Variants in PALM2AKAP2 observed in about 807,000 individuals in gnomAD.
PALM2AKAP2 encodes PALM2-AKAP2 fusion protein.
A neutral mutation model predicts 71.5 loss-of-function variants in PALM2AKAP2; 37 were observed. The observed-to-expected ratio is 0.52, with a 90% confidence interval of 0.40 to 0.68. PALM2AKAP2 has a LOEUF of 0.68. Ranked by LOEUF, PALM2AKAP2 falls within the 30% of genes least tolerant of loss-of-function variation. The pLI is 0.00. For synonymous variants in PALM2AKAP2, 468 were observed against 478.8 expected (o/e 0.98, Z 0.29); for missense variants, 1,224 against 1,191.8 (o/e 1.03, Z -0.40).
intron 6 of PALM2AKAP2, among the ~76,000 whole-genome samples, chr9:109,972,706 C>T (rs1358125050): frequency 1.5e-4 from 23 of 152,176 alleles, no homozygotes. Flanking sequence ...CAGGGAATGC[C>T]ACAAAGATGC....
intron 1 of PALM2AKAP2, among the ~76,000 whole-genome samples, chr9:110,135,185 A>G (rs1835830637): frequency 8.9e-6 from 1 of 112,844 alleles, no homozygotes; most frequent in African/African-American, 3.3e-5. Context: ...ATATATATAT[A>G]TATAAATCAG....
chr9:109,926,742 G>T (rs1224776603), intron 5 of PALM2AKAP2, among the ~76,000 whole-genome samples: 1 of 151,836 alleles, frequency 6.6e-6, no homozygotes, highest in African/African-American at 2.4e-5. Flanking sequence ...ACATCTCTCT[G>T]ATACTTAGGG....
At chr9:110,087,139 C>T (rs1834592105) in intron 1 of PALM2AKAP2, among the ~76,000 whole-genome samples, 1 of 152,228 alleles carries the variant, frequency 6.6e-6, no homozygotes, top group African/African-American at 2.4e-5. Flanking sequence ...GCTGGTCCTT[C>T]TCTCTAACAT....
chr9:109,733,041 G>A (rs1320817273), intron 1 of PALM2AKAP2, among the ~76,000 whole-genome samples: 7 of 152,110 alleles, frequency 4.6e-5, no homozygotes, highest in African/African-American at 1.7e-4. Context: ...TCAAGTTAGG[G>A]GTTCAGATTA....
chr9:109,694,554 G>C (rs1313512128), intron 1 of PALM2AKAP2, among the ~76,000 whole-genome samples: 1 of 151,944 alleles, frequency 6.6e-6, no homozygotes, highest in Non-Finnish European at 1.5e-5. Context: ...ACACTATTAA[G>C]AGATAGAAAA....
At chr9:109,687,272 T>C (rs144727805) in intron 1 of PALM2AKAP2, among the ~76,000 whole-genome samples, 4 of 152,284 alleles carry the variant, frequency 2.6e-5, no homozygotes, top group Non-Finnish European at 4.4e-5. Context: ...AATGTTGAAG[T>C]CATGCATTGA....
chr9:109,945,706 A>C (rs1004297656), intron 6 of PALM2AKAP2: 12 of 152,230 alleles, frequency 7.9e-5, no homozygotes, highest in Admixed American at 2.6e-4. Flanking sequence ...ACAGTTAGTG[A>C]GTGAAATGGT....
chr9:109,985,479 G>C (rs1348529084), intron 6 of PALM2AKAP2, among the ~76,000 whole-genome samples: 1 of 151,592 alleles, frequency 6.6e-6, no homozygotes, highest in Non-Finnish European at 1.5e-5. Flanking sequence ...AATTAGCCAG[G>C]CGTGGTGGCG....
intron 1 of PALM2AKAP2, among the ~76,000 whole-genome samples, chr9:109,827,660 G>A (rs1045784239): frequency 1.3e-5 from 2 of 152,102 alleles, no homozygotes; most frequent in African/African-American, 4.8e-5. Flanking sequence ...TCTACTGAAT[G>A]AGAATCCATT....
chr9:109,733,811 G>A (rs1340538544), intron 1 of PALM2AKAP2, among the ~76,000 whole-genome samples: 3 of 152,304 alleles, frequency 2.0e-5, no homozygotes, highest in Non-Finnish European at 2.9e-5. Flanking sequence ...GTGCAACAGA[G>A]TTGGGGAAAG....
At chr9:110,040,160 A>G (rs765938998) in intron 7 of PALM2AKAP2, among the ~76,000 whole-genome samples, 1 of 152,220 alleles carries the variant, frequency 6.6e-6, no homozygotes, top group Non-Finnish European at 1.5e-5. Context: ...TGATTGTATT[A>G]TAAGCTATTG....
At chr9:110,010,450 C>T (rs139108480) in intron 6 of PALM2AKAP2, among the ~76,000 whole-genome samples, 1,526 of 146,958 alleles carry the variant, frequency 0.01, 26 homozygotes, top group African/African-American at 0.037. Flanking sequence ...AATATACATA[C>T]TATATATATA....
In PALM2AKAP2 at chr9:109,794,026, A is replaced by G. The variant is rs186828875; in HGVS notation, c.45+13493A>G. 2.6e-5 allele frequency among the ~76,000 whole-genome samples: 4 copies of G among 152,348 alleles called. No homozygotes were observed. The East Asian group carries it at 5.8e-4, about 22-fold the overall frequency. ...CCTGCTTTCTACATGGCGTATTTCAATGGCTGTATTTGCGATGAAGGCTCC... is the reference window on the plus strand; with the variant it reads ...CCTGCTTTCTACATGGCGTATTTCAGTGGCTGTATTTGCGATGAAGGCTCC... On this transcript the variant is annotated intron_variant, in intron 1 of 9. Coordinates refer to the PALM2AKAP2 transcript ENST00000302798.
At chr9:109,699,770 C>T (rs1019281399) in intron 1 of PALM2AKAP2, among the ~76,000 whole-genome samples, 1 of 82,796 alleles carries the variant, frequency 1.2e-5, no homozygotes, top group African/African-American at 6.3e-5. Context: ...CAGCCATTAC[C>T]TTTATTTATT....
intron 1 of PALM2AKAP2, among the ~76,000 whole-genome samples, chr9:110,085,036 G>A (rs994162460): frequency 3.9e-5 from 6 of 152,006 alleles, no homozygotes; most frequent in African/African-American, 9.7e-5. Context: ...CACCGCGCCC[G>A]GCCTAGATGC....
chr9:109,936,668 G>A (rs926528538), intron 6 of PALM2AKAP2, among the ~76,000 whole-genome samples: 7 of 152,194 alleles, frequency 4.6e-5, no homozygotes, highest in African/African-American at 7.2e-5. Context: ...TGTACTTTAC[G>A]CATCACTGAC....
intron 2 of PALM2AKAP2, among the ~76,000 whole-genome samples, chr9:109,872,727 C>T (rs1171492887): frequency 6.6e-6 from 1 of 152,150 alleles, no homozygotes; most frequent in Admixed American, 6.5e-5. Flanking sequence ...GCTGAAGAGC[C>T]TGAAGGTATC....
At chr9:109,806,031 T>A (rs1827562344) in intron 1 of PALM2AKAP2, among the ~76,000 whole-genome samples, 1 of 152,244 alleles carries the variant, frequency 6.6e-6, no homozygotes, top group Non-Finnish European at 1.5e-5. Flanking sequence ...CAGGCCCACA[T>A]ACCAGCCCCA....
chr9:109,691,921 T>C (rs1459459140), intron 1 of PALM2AKAP2, among the ~76,000 whole-genome samples: 20 of 123,248 alleles, frequency 1.6e-4, no homozygotes, highest in African/African-American at 7.0e-4. Context: ...CATATATATA[T>C]ATACACATAT....
Sources: gnomAD v4.1 joint callset for allele counts (sites outside exome capture counted in the v4.1 genomes callset) on GRCh38, gnomAD v4.1.1 for gene constraint, MANE v1.5 for transcripts, NCBI Gene and HGNC (gene_info 2026-07-23, HGNC 2026-07-21) for gene names.